The following ADGRG5 variants were observed in gnomAD, a reference collection of about 807,000 sequenced individuals.
ADGRG5 encodes adhesion G protein-coupled receptor G5.
In ADGRG5, 37 loss-of-function variants were observed where a neutral mutation model predicts 53.2. The ratio of observed to expected loss-of-function variants is 0.70; its 90% CI spans 0.53 to 0.91. The LOEUF is 0.91. Ranked by LOEUF, ADGRG5 falls within the 40% of genes least tolerant of loss-of-function variation. ADGRG5 has a pLI of 0.00. For missense variants in ADGRG5, 614 were observed against 675.8 expected, an observed-to-expected ratio of 0.91 and a Z score of 1.01; for synonymous variants, 277 against 290.4, an observed-to-expected ratio of 0.95 and a Z score of 0.47.
the ADGRG5 span, among the ~76,000 whole-genome samples, chr16:57,535,936 G>T: frequency 6.6e-6 from 1 of 152,146 alleles, no homozygotes. Context: ...CCCCAGCCCT[G>T]CGTCGCCTTA....
intron 9 of ADGRG5, among the ~76,000 whole-genome samples, chr16:57,570,028 A>T (rs114377537): frequency 4.0e-4 from 43 of 106,268 alleles, no homozygotes; most frequent in Admixed American, 5.2e-4. Context: ...CTCCACCTCC[A>T]TCTCCACCAT....
At chr16:57,553,314 A>G (rs551564188) in intron 1 of ADGRG5, among the ~76,000 whole-genome samples, 36 of 152,310 alleles carry the variant, frequency 2.4e-4, no homozygotes, top group Admixed American at 2.2e-3. Flanking sequence ...TAGTCTTGTT[A>G]TTTGCATCTG....
chr16:57,537,864 TAGG>T (rs1310616735), upstream of ADGRG5, among the ~76,000 whole-genome samples: 1 of 152,144 alleles, frequency 6.6e-6, no homozygotes, highest in Non-Finnish European at 1.5e-5. Flanking sequence ...CAGAGATAGA[TAGG>T]AGATGTATGT....
chr16:57,544,553 G>T (rs1001263544), intron 1 of ADGRG5, among the ~76,000 whole-genome samples: 30 of 152,140 alleles, frequency 2.0e-4, no homozygotes, highest in African/African-American at 7.0e-4. Flanking sequence ...TTCCCTCAGT[G>T]CCTGCCTGGA....
intron 9 of ADGRG5, 74 bp from the exon 10 acceptor site, chr16:57,570,344 A>G: frequency 1.1e-6 from 1 of 875,332 alleles, no homozygotes; most frequent in Non-Finnish European, 1.9e-6. Flanking sequence ...CTGTGTCAGC[A>G]GCCCCAGGGA....
intron 1 of ADGRG5, among the ~76,000 whole-genome samples, chr16:57,559,397 A>G (rs949731863): frequency 6.6e-6 from 1 of 152,158 alleles, no homozygotes; most frequent in Non-Finnish European, 1.5e-5. Flanking sequence ...AACCCTTGGC[A>G]TGTCCTGCAT....
chr16:57,548,608 C>T (rs1239113871), intron 1 of ADGRG5, among the ~76,000 whole-genome samples: 1 of 152,110 alleles, frequency 6.6e-6, no homozygotes, highest in Admixed American at 6.6e-5. Flanking sequence ...GAAACACACT[C>T]CCCCTCCCTA....
chr16:57,540,269 A>G (rs556908963), upstream of ADGRG5, among the ~76,000 whole-genome samples: 136 of 151,604 alleles, frequency 9.0e-4, 2 homozygotes, highest in African/African-American at 3.1e-3. Context: ...AACAAAAAAC[A>G]AAAGAAACAG....
chr16:57,570,536 G>A lies in ADGRG5; in HGVS notation c.1208+1G>A, dbSNP rs1286210090. 3 of 1,608,048 alleles carry A rather than the reference G, an allele frequency of 1.9e-6. No individual in the cohort carries two copies. The highest frequency in any genetic ancestry group is 2.2e-5 in the East Asian group (1 of 44,854). ...GCACAGGCTTCCAGAACATGTCCAT[G>A]TGAGTGCCCTCAGGGCTGCAGTGGG... is the stretch of plus-strand genomic sequence containing the variant. On this transcript the variant is annotated splice_donor_variant, in intron 10 of 11. Transcript: ENST00000349457. LOFTEE classifies it high-confidence loss of function.
At chr16:57,572,795 C>T (rs1666269169) in intron 10 of ADGRG5, among the ~76,000 whole-genome samples, 1 of 152,230 alleles carries the variant, frequency 6.6e-6, no homozygotes, top group South Asian at 2.1e-4. Flanking sequence ...TGGGGATATT[C>T]CCTAGCGGTG....
At position 57,562,452 on chromosome 16, in the gene ADGRG5, T is replaced by C. The variant is rs1567619092; in HGVS notation, c.133T>C (p.Ser45Pro). ...QVSRGRSSVF[S>P]SRQLHQLEQM... ...GTCCAGGGGCCGGAGCTCAGTTTTT[T>C]CCTCTCGGTGAGTTGGATGTGCCTC... The change falls in exon 3 of 12, where the codon TCC becomes CCC. Residue 45 changes from serine (S) to proline (P), a missense_variant. By Grantham distance (74) the Ser-to-Pro change is moderately conservative. Coordinates refer to ENST00000349457, the MANE Select transcript of ADGRG5 (RefSeq NM_001304376.3). 1.3e-6 allele frequency: 2 copies of C among 1,598,680 alleles called. No homozygotes were observed. The highest frequency in any genetic ancestry group is 1.7e-6 in the Non-Finnish European group (2 of 1,172,948).
chr16:57,529,484 G>C, the ADGRG5 span, among the ~76,000 whole-genome samples: 1 of 152,168 alleles, frequency 6.6e-6, no homozygotes, highest in African/African-American at 2.4e-5. The surrounding 1 kb of genome is among the most constrained non-coding windows in gnomAD (Gnocchi z 4.1). Flanking sequence ...GCAAGGGCCC[G>C]CAAAGGCCTC....
rs763377066 is a variant in ADGRG5, at chr16:57,566,655, G to A, written c.603G>A (p.Trp201Ter). ...FWKEGARKQPWGGWSPEGCRT... is the reference protein window; with the variant it reads ...FWKEGARKQP ...AGGAGGGAGCCAGGAAACAGCCCTG[G>A]GGGGGCTGGAGCCCTGAGGGCTGTC... is the stretch of plus-strand genomic sequence containing the variant. The change falls in exon 7 of 12, where the codon TGG (tryptophan) becomes TGA (stop). Residue 201 changes from tryptophan (W) to a stop codon, truncating the protein, a stop_gained. Coordinates refer to ENST00000349457, the MANE Select transcript of ADGRG5 (RefSeq NM_001304376.3). LOFTEE classifies it high-confidence loss of function. The A allele has an allele frequency of 6.3e-7, 1 of 1,590,312 alleles. No individual in the cohort carries two copies. Among genetic ancestry groups the A allele is most frequent in the South Asian group, 1.1e-5 (1 of 87,646 alleles).
At chr16:57,571,415 C>T (rs1194996152) in intron 10 of ADGRG5, among the ~76,000 whole-genome samples, 1 of 151,746 alleles carries the variant, frequency 6.6e-6, no homozygotes. Context: ...GGTCCAGAGC[C>T]TGGCCCCCAG....
chr16:57,536,041 G>T, the ADGRG5 span, among the ~76,000 whole-genome samples: 1 of 152,106 alleles, frequency 6.6e-6, no homozygotes, highest in Non-Finnish European at 1.5e-5. Context: ...TTCCCGGCCC[G>T]CGCCGCGCGG....
At chr16:57,538,266 G>A (rs1396788513), upstream of ADGRG5, among the ~76,000 whole-genome samples, 2 of 152,076 alleles carry the variant, frequency 1.3e-5, no homozygotes, top group Non-Finnish European at 2.9e-5. Flanking sequence ...GTTACCTAGG[G>A]GCTGGGTGTT....
chr16:57,529,128 T>A, the ADGRG5 span: 1 of 1,185,002 alleles, frequency 8.4e-7, no homozygotes, highest in Non-Finnish European at 1.0e-6. The surrounding 1 kb of genome is among the most constrained non-coding windows in gnomAD (Gnocchi z 4.1). Flanking sequence ...GAGGCTGCCC[T>A]TGGACAGCTG....
rs2033317361 is a variant in ADGRG5 at position 57,570,410 on chromosome 16, C to T, written c.1091-8C>T. 1 of 1,599,716 alleles carries T rather than the reference C, an allele frequency of 6.3e-7. No individual in the cohort carries two copies. Among genetic ancestry groups the T allele is most frequent in the African/African-American group, 1.3e-5 (1 of 74,818 alleles). ...CCACATCTCCTGAGCCTTTGTCCCA[C>T]CCCTCAGGGGCCCCAGCCCTCCTGG... On this transcript the variant is annotated splice_region_variant and splice_polypyrimidine_tract_variant and intron_variant, in intron 9 of 11. Transcript: ENST00000349457.
intron 10 of ADGRG5, among the ~76,000 whole-genome samples, chr16:57,570,861 GC>G (rs2033334200): frequency 6.6e-6 from 1 of 152,164 alleles, no homozygotes; most frequent in Admixed American, 6.5e-5. Flanking sequence ...GGCTCAGCCT[GC>G]ACTTGACTCT....
Sources: gnomAD v4.1 joint callset for allele counts (sites outside exome capture counted in the v4.1 genomes callset) on GRCh38, gnomAD v4.1.1 for gene constraint, Gnocchi (gnomAD v3.1) non-coding constraint, MANE v1.5 for transcripts, NCBI Gene and HGNC (gene_info 2026-07-23, HGNC 2026-07-21) for gene names.